Variants in UNC80 observed in about 807,000 individuals in gnomAD.
UNC80 encodes protein unc-80 homolog.
Under a neutral mutation model 384.6 loss-of-function variants are expected in UNC80, and 164 were observed. The ratio of observed to expected loss-of-function variants is 0.43; its 90% CI spans 0.38 to 0.49. UNC80 has a LOEUF of 0.49. Among genes scored for constraint, UNC80 ranks in the 20% least tolerant of loss-of-function variants. The pLI, the probability that UNC80 is intolerant of heterozygous loss-of-function variation, is 0.00. For missense variants in UNC80, 3,330 were observed against 4,143.0 expected (o/e 0.80, Z 5.39); for synonymous variants, 1,486 against 1,527.8 (o/e 0.97, Z 0.64).
chr2:209,992,166 G>C lies in UNC80; in HGVS notation c.9315G>C (p.Arg3105Ser). 1 of 1,551,504 alleles carries C rather than the reference G, an allele frequency of 6.4e-7. No individual in the cohort carries two copies. The highest frequency in any genetic ancestry group is 8.7e-7 in the Non-Finnish European group (1 of 1,146,858). ...QGLAAEGSLS[R>S]VASIQSEPGQ... ...CACTAACACTGTTGATGCTTGGCAG[G>C]GTGGCAAGTATACAGAGTGAACCTG... is the stretch of plus-strand genomic sequence containing the variant. The change falls in exon 62 of 65, where the codon AGG becomes AGC. Residue 3105 changes from arginine (R) to serine (S), a missense_variant and splice_region_variant. Physicochemically the swap from Arg to Ser is moderately radical, Grantham distance 110. This residue lies in a region of UNC80 where 216 missense variants were observed against 245.3 expected (regional missense o/e 0.88). Transcript: ENST00000673920.
At chr2:209,868,180 C>T (rs1263055743) in intron 22 of UNC80, among the ~76,000 whole-genome samples, 3 of 152,082 alleles carry the variant, frequency 2.0e-5, no homozygotes, top group African/African-American at 7.2e-5. Context: ...AAGTATATGC[C>T]CCCTAGCAAA....
rs1553527439 is a variant in UNC80, at chr2:209,817,911, C to CGG, written c.1653_1654dup (p.Asp552GlyfsTer36). The stretch of plus-strand genomic sequence containing the variant: ...CATCACACCCTGGTAAGCGACCTGC[C>CGG]GGACCCCTCCAACAGCCATGGAGAA... On this transcript the variant is annotated frameshift_variant, in exon 11 of 65. Transcript: ENST00000673920. LOFTEE classifies it high-confidence loss of function. 2.6e-6 allele frequency: 4 copies of CGG among 1,551,620 alleles called. No homozygotes were observed. The highest frequency in any genetic ancestry group is 2.6e-6 in the Non-Finnish European group (3 of 1,146,978).
At chr2:209,888,003 G>T in intron 25 of UNC80, 92 bp from the exon 26 acceptor site, 1 of 1,247,450 alleles carries the variant, frequency 8.0e-7, no homozygotes, top group Non-Finnish European at 1.1e-6. Flanking sequence ...AAACGCAGTT[G>T]TGTATAATTC....
intron 51 of UNC80, among the ~76,000 whole-genome samples, chr2:209,967,164 T>A (rs935065950): frequency 6.6e-6 from 1 of 152,192 alleles, no homozygotes; most frequent in Admixed American, 6.5e-5. Flanking sequence ...ATTTGGCCTA[T>A]CCTTAATCTC....
At chr2:209,925,628 G>A (rs1035306295) in intron 35 of UNC80, among the ~76,000 whole-genome samples, 4 of 152,148 alleles carry the variant, frequency 2.6e-5, no homozygotes, top group African/African-American at 9.7e-5. Flanking sequence ...TTTACAGAGT[G>A]CTGATTGGTG....
chr2:209,913,932 G>A lies in UNC80; in HGVS notation c.5021G>A (p.Gly1674Glu). 6.5e-7 allele frequency: 1 copy of A among 1,547,542 alleles called. No individual in the cohort carries two copies. The highest frequency in any genetic ancestry group is 8.7e-7 in the Non-Finnish European group (1 of 1,144,038). ...LLLSMDEHMA[G>E]AAAAMFLLCA... is the part of the protein sequence containing the mutation. Reference sequence around the variant, plus strand: ...CTCAGCATGGATGAGCACATGGCAGGGGCAGCAGGTAAAGAAAGACCACCT... The same window carrying A: ...CTCAGCATGGATGAGCACATGGCAGAGGCAGCAGGTAAAGAAAGACCACCT... The change falls in exon 31 of 65, where the codon GGG becomes GAG. Residue 1674 changes from glycine to glutamate, a missense_variant. Transcript: ENST00000673920.
intron 22 of UNC80, among the ~76,000 whole-genome samples, chr2:209,864,317 A>C (rs914974408): frequency 6.6e-6 from 1 of 152,054 alleles, no homozygotes; most frequent in East Asian, 1.9e-4. Context: ...GGAGGGTTTC[A>C]CCTAGTTGGG....
chr2:209,820,817 C>A, intron 13 of UNC80, 138 bp downstream of exon 13: 1 of 930,288 alleles, frequency 1.1e-6, no homozygotes, highest in Non-Finnish European at 1.6e-6. Flanking sequence ...GAAATCTCTT[C>A]ATTAGGTTCT....
At chr2:209,840,248 T>C (rs930024208) in intron 19 of UNC80, among the ~76,000 whole-genome samples, 2 of 152,128 alleles carry the variant, frequency 1.3e-5, no homozygotes, top group Non-Finnish European at 2.9e-5. Context: ...ATGAACACAT[T>C]TGAGAAGTAT....
intron 47 of UNC80, among the ~76,000 whole-genome samples, chr2:209,948,053 A>ATGAC (rs2091991867): frequency 1.3e-5 from 2 of 152,158 alleles, no homozygotes; most frequent in South Asian, 4.1e-4. Context: ...TAATAATTGT[A>ATGAC]TGACTATGTT....
chr2:209,888,534 C>A (rs1203802272), intron 26 of UNC80, among the ~76,000 whole-genome samples: 1 of 152,084 alleles, frequency 6.6e-6, no homozygotes, highest in Non-Finnish European at 1.5e-5. Flanking sequence ...AAGAAAAATA[C>A]TCCCAATTGA....
chr2:209,884,529 C>T (rs1024216364), intron 25 of UNC80, among the ~76,000 whole-genome samples: 94 of 152,274 alleles, frequency 6.2e-4, no homozygotes, highest in African/African-American at 2.2e-3. Context: ...CCTTTCCTTA[C>T]ACCTTATACA....
intron 50 of UNC80, 103 bp downstream of exon 50, chr2:209,959,257 A>G (rs2092513987): frequency 7.3e-7 from 1 of 1,375,596 alleles, no homozygotes. Context: ...GATGCATAAC[A>G]TACTATTTCT....
In UNC80 at chr2:209,978,482, T is replaced by G; in HGVS notation, c.8939-47T>G. ...GTCAGGGAGGACTTTGAAGTGGACA[T>G]TTAAGATTCTCACCATGCATTTCCT... is the stretch of plus-strand genomic sequence containing the variant. On this transcript the variant is annotated intron_variant, in intron 58 of 64. Coordinates refer to ENST00000673920, the MANE Select transcript of UNC80 (RefSeq NM_001371986.1). 7 of 1,444,730 alleles carry G rather than the reference T, an allele frequency of 4.8e-6. No individual in the cohort carries two copies. In the South Asian group the frequency reaches 1.0e-4, roughly 21 times the overall value. 89.5% of individuals were successfully genotyped at this position (1,444,730 alleles called of 1,614,324 possible). A position where few individuals can be genotyped will look rare whatever the true frequency, so the allele number is the denominator to read the frequency against.
At chr2:209,987,229 G>A (rs2093307522) in intron 61 of UNC80, among the ~76,000 whole-genome samples, 1 of 152,156 alleles carries the variant, frequency 6.6e-6, no homozygotes, top group Non-Finnish European at 1.5e-5. Flanking sequence ...GCTAAATAAG[G>A]AAGAGACCAA....
At chr2:209,969,279 G>T (rs2092816682) in intron 52 of UNC80, 2 of 153,744 alleles carry the variant, frequency 1.3e-5, no homozygotes, top group African/African-American at 2.4e-5. Context: ...GGCCAAGAAA[G>T]AACATTGTTT....
chr2:209,818,082 T>C, intron 11 of UNC80, 130 bp downstream of exon 11: 6 of 1,195,316 alleles, frequency 5.0e-6, no homozygotes, highest in Non-Finnish European at 7.0e-6. Context: ...TTGTGCTGAA[T>C]TGCTTTTGTT....
intron 40 of UNC80, among the ~76,000 whole-genome samples, chr2:209,936,017 T>C (rs1014183214): frequency 6.6e-6 from 1 of 152,178 alleles, no homozygotes; most frequent in Non-Finnish European, 1.5e-5. Flanking sequence ...CAGTAAACTT[T>C]TAGTAATCTG....
intron 47 of UNC80, among the ~76,000 whole-genome samples, chr2:209,947,170 A>G (rs540676483): frequency 1.3e-5 from 2 of 152,280 alleles, no homozygotes; most frequent in East Asian, 1.9e-4. Context: ...AAGTTCCAGA[A>G]TGGATCAAAT....
Sources: allele counts gnomAD v4.1 joint callset (sites outside exome capture counted in the v4.1 genomes callset), GRCh38; gene constraint gnomAD v4.1.1; regional missense constraint gnomAD v4.1.1; transcripts MANE v1.5; gene names NCBI Gene and HGNC (gene_info 2026-07-23, HGNC 2026-07-21).